The following AR variants were observed in gnomAD, a reference collection of about 807,000 sequenced individuals.
AR encodes dihydrotestosterone receptor.
Under a neutral mutation model 53.9 loss-of-function variants are expected in AR, and 8 were observed. The ratio of observed to expected loss-of-function variants is 0.15; its 90% CI spans 0.09 to 0.27. The LOEUF is 0.27. Ranked by LOEUF, AR falls within the 10% of genes least tolerant of loss-of-function variation. The pLI, the probability that AR is intolerant of heterozygous loss-of-function variation, is 1.00. For missense variants in AR, 639 were observed against 742.5 expected (o/e 0.86, Z 1.62); for synonymous variants, 359 against 316.4 (o/e 1.13, Z -1.43).
chrX:67,714,972 T>C (rs1247894538), intron 4 of AR, among the ~76,000 whole-genome samples: 4 of 111,847 alleles, frequency 3.6e-5, no homozygotes. Context: ...ATTAATATTA[T>C]GGCCAAATTA....
At chrX:67,560,596 G>T (rs780080858) in intron 1 of AR, among the ~76,000 whole-genome samples, 1 of 111,599 alleles carries the variant, frequency 9.0e-6, no homozygotes, top group East Asian at 2.8e-4. Context: ...ATGGGTTAAA[G>T]TCCAAATTAT....
At chrX:67,703,786 C>A (rs1421517709) in intron 3 of AR, among the ~76,000 whole-genome samples, 1 of 111,130 alleles carries the variant, frequency 9.0e-6, no homozygotes, top group African/African-American at 3.3e-5. Flanking sequence ...CTAATGCTAT[C>A]CCTCCACCCT....
chrX:67,568,845 C>A, intron 1 of AR: 1 of 1,148,716 alleles, frequency 8.7e-7, no homozygotes, highest in Non-Finnish European at 1.2e-6. Context: ...GTAGGTGCTG[C>A]GAGCAGAGAG....
intron 3 of AR, among the ~76,000 whole-genome samples, chrX:67,688,770 C>T (rs1036641705): frequency 3.6e-5 from 4 of 111,584 alleles, no homozygotes; most frequent in African/African-American, 6.5e-5. Context: ...CTTATCTCCA[C>T]GTTCCCTGCC....
chrX:67,720,045 G>T (rs1488154135), intron 5 of AR, among the ~76,000 whole-genome samples: 5 of 111,814 alleles, frequency 4.5e-5, no homozygotes, highest in Non-Finnish European at 9.4e-5. Context: ...TCTATGTGCC[G>T]CAAATTTTAT....
chrX:67,689,882 G>C (rs952270045), intron 3 of AR: 10 of 243,126 alleles, frequency 4.1e-5, no homozygotes, highest in Non-Finnish European at 4.7e-5. Flanking sequence ...CACTTTCCAA[G>C]GGTACACTCC....
intron 1 of AR, among the ~76,000 whole-genome samples, chrX:67,622,436 G>T (rs1043730205): frequency 8.9e-6 from 1 of 111,733 alleles, no homozygotes; most frequent in Non-Finnish European, 1.9e-5. Flanking sequence ...CAGGAGAAAA[G>T]GACAGATTTG....
intron 3 of AR, among the ~76,000 whole-genome samples, chrX:67,704,996 T>C (rs1294627399): frequency 2.7e-5 from 3 of 112,026 alleles, no homozygotes; most frequent in African/African-American, 9.8e-5. Flanking sequence ...TTCTGTTCCA[T>C]TGATCTATAT....
rs1412608361 is a variant in AR at position 67,729,345 on chromosome X, T to C, written c.*5504T>C. The C allele has an allele frequency of 1.7e-5, 3 of 173,596 alleles. No individual in the cohort carries two copies. Among genetic ancestry groups the C allele is most frequent in the Non-Finnish European group, 3.3e-5 (3 of 91,087 alleles). 14.3% of individuals were successfully genotyped at this position (173,596 alleles called of 1,213,427 possible). ...ACCTCCCAACTCAACCATTTCTAGG[T>C]GAAGGCAGAAAAATCCACATTAGTT... On this transcript the variant is annotated 3_prime_UTR_variant, in exon 8 of 8. Transcript: ENST00000374690.
At chrX:67,586,845 A>G (rs1301723401) in intron 1 of AR, among the ~76,000 whole-genome samples, 1 of 111,714 alleles carries the variant, frequency 9.0e-6, no homozygotes, top group African/African-American at 3.3e-5. Context: ...TATTGCTTCT[A>G]TTTAAGACTA....
rs113839117 is a variant in AR at position 67,700,684 on chromosome X, T to C, written c.1886-10718T>C. ...TGCCATATAGGCCTGGGGAGGAGGA[T>C]GTGAGAATACCAGCCAAGTTCTCAT... On this transcript the variant is annotated intron_variant, in intron 3 of 7. Coordinates refer to ENST00000374690, the MANE Select transcript of AR (RefSeq NM_000044.6). Among the ~76,000 whole-genome samples, 372 of 111,710 alleles carry C rather than the reference T, an allele frequency of 3.3e-3. 1 individual carries two copies. The highest frequency in any genetic ancestry group is 0.011 in the African/African-American group (352 of 30,712).
In AR at chrX:67,627,083, A is replaced by G. The variant is rs1235008120; in HGVS notation, c.1617-16173A>G. Among the ~76,000 whole-genome samples the G allele has an allele frequency of 3.7e-5, 4 of 109,456 alleles. No individual in the cohort carries two copies. In the East Asian group the frequency reaches 8.6e-4, roughly 24 times the overall value. ...CTTTGCTATTGTGAATAATGCCGCA[A>G]TGAACATACGTGTGCATGTGTCTTT... is the stretch of plus-strand genomic sequence containing the variant. On this transcript the variant is annotated intron_variant, in intron 1 of 7. Coordinates refer to ENST00000374690, the MANE Select transcript of AR (RefSeq NM_000044.6).
chrX:67,635,303 G>A (rs1470326022), intron 1 of AR, among the ~76,000 whole-genome samples: 1 of 110,966 alleles, frequency 9.0e-6, no homozygotes, highest in Admixed American at 9.6e-5. Context: ...GAGGCAAATG[G>A]AGCACAGAGA....
chrX:67,724,921 G>A lies in AR; in HGVS notation c.*1080G>A. 5.7e-6 allele frequency: 1 copy of A among 175,387 alleles called. No individual in the cohort carries two copies. Among genetic ancestry groups the A allele is most frequent in the African/African-American group, 2.9e-5 (1 of 34,313 alleles). The allele number at this position is 175,387 out of a possible 1,213,427, so 14.5% of individuals were successfully genotyped here. Reference sequence around the variant, plus strand: ...TCCAGGTCTGCTTTCTCATGTGTGAGTCAGGGAGGAGCTGGAGCCAGAGGA... The same window carrying A: ...TCCAGGTCTGCTTTCTCATGTGTGAATCAGGGAGGAGCTGGAGCCAGAGGA... On this transcript the variant is annotated 3_prime_UTR_variant, in exon 8 of 8. Transcript: ENST00000374690.
intron 2 of AR, among the ~76,000 whole-genome samples, chrX:67,678,913 G>A (rs1481339913): frequency 1.8e-5 from 2 of 111,605 alleles, no homozygotes; most frequent in Admixed American, 1.9e-4. Context: ...GATAATAAAA[G>A]GGTACAATGT....
intron 3 of AR, among the ~76,000 whole-genome samples, chrX:67,709,001 G>T (rs981711590): frequency 8.9e-6 from 1 of 111,735 alleles, no homozygotes; most frequent in Non-Finnish European, 1.9e-5. Context: ...TCTTCTGGAA[G>T]TTTCGTCTCA....
chrX:67,586,725 AG>A (rs1162709066), intron 1 of AR, among the ~76,000 whole-genome samples: 1 of 111,892 alleles, frequency 8.9e-6, no homozygotes. Flanking sequence ...GTTATTATTT[AG>A]GTATTATGGA....
intron 1 of AR, among the ~76,000 whole-genome samples, chrX:67,630,735 C>T (rs1259566316): frequency 1.8e-5 from 2 of 110,434 alleles, no homozygotes; most frequent in Admixed American, 9.7e-5. Flanking sequence ...TTCCTAGTCT[C>T]GATGGTCTTT....
At chrX:67,597,718 C>T (rs1923148311) in intron 1 of AR, among the ~76,000 whole-genome samples, 1 of 111,956 alleles carries the variant, frequency 8.9e-6, no homozygotes, top group Non-Finnish European at 1.9e-5. Context: ...GGGTGCCCTA[C>T]CTTTCCTACA....
Sources: allele counts gnomAD v4.1 joint callset (sites outside exome capture counted in the v4.1 genomes callset), GRCh38; gene constraint gnomAD v4.1.1; transcripts MANE v1.5; gene names NCBI Gene and HGNC (gene_info 2026-07-23, HGNC 2026-07-21).